TPPP: variants seen among roughly 807,000 people sequenced by gnomAD.
TPPP encodes the protein tubulin polymerization promoting protein.
Under a neutral mutation model 15.5 loss-of-function variants are expected in TPPP, and 6 were observed. That is an observed-to-expected ratio of 0.39 (90% confidence interval 0.21 to 0.77). The LOEUF (loss-of-function observed/expected upper bound fraction) is 0.77, where lower values mean the gene tolerates loss of function less well. Among genes scored for constraint, TPPP ranks in the 30% least tolerant of loss-of-function variants. The probability of loss-of-function intolerance (pLI) is 0.42; values close to 1 mark genes in which losing one functional copy is unlikely to be tolerated. For synonymous variants in TPPP, 146 were observed against 133.9 expected, an observed-to-expected ratio of 1.09 and a Z score of -0.63; for missense variants, 269 against 307.2, an observed-to-expected ratio of 0.88 and a Z score of 0.93.
At chr5:668,094 C>G (rs1379501845) in intron 2 of TPPP, among the ~76,000 whole-genome samples, 1 of 80,172 alleles carries the variant, frequency 1.2e-5, no homozygotes. Flanking sequence ...TCCGCGTGGG[C>G]CCCATCAGGG....
chr5:677,665 C>G (rs372912779), intron 2 of TPPP, 85 bp downstream of exon 2: 7 of 1,324,864 alleles, frequency 5.3e-6, no homozygotes, highest in Non-Finnish European at 7.1e-6. Context: ...CCCCATGGCC[C>G]GCTCCCCACA....
In TPPP at chr5:665,097, G is replaced by C. The variant is rs547341735; in HGVS notation, c.*5C>G. 42 of 1,607,936 alleles carry C rather than the reference G, an allele frequency of 2.6e-5. No individual in the cohort carries two copies. Among genetic ancestry groups the C allele is most frequent in the Non-Finnish European group, 3.5e-5 (41 of 1,179,468 alleles). On this transcript the variant is annotated 3_prime_UTR_variant, in exon 4 of 4. Coordinates refer to ENST00000360578, the MANE Select transcript of TPPP (RefSeq NM_007030.3). ...CCGGCAGTGCCGCGAGGCATGGAGC[G>C]GGGGCTACTTGCCCCCTTGCACCTT...
chr5:700,310 T>C, the TPPP span, among the ~76,000 whole-genome samples: 1 of 151,982 alleles, frequency 6.6e-6, no homozygotes, highest in Admixed American at 6.6e-5. Context: ...ATAGAGGCCA[T>C]TATCCTGAGT....
At chr5:667,698 A>G (rs185124959) in intron 2 of TPPP, among the ~76,000 whole-genome samples, 98 of 151,562 alleles carry the variant, frequency 6.5e-4, no homozygotes, top group Admixed American at 5.0e-3. Flanking sequence ...AAAACTCAGC[A>G]GTAAGAAAAA....
chr5:681,892 C>T (rs1159961997), intron 1 of TPPP, among the ~76,000 whole-genome samples: 9 of 152,212 alleles, frequency 5.9e-5, no homozygotes, highest in Non-Finnish European at 8.8e-5. Context: ...TCCTCGCAGG[C>T]CAGGGAATGC....
intron 2 of TPPP, among the ~76,000 whole-genome samples, chr5:672,329 G>T (rs1437373229): frequency 6.6e-6 from 1 of 152,214 alleles, no homozygotes; most frequent in Non-Finnish European, 1.5e-5. Flanking sequence ...CCAGCGTCCA[G>T]GTATCAGTCT....
At chr5:692,715 C>T (rs1444102494) in intron 1 of TPPP, 2 of 982,126 alleles carry the variant, frequency 2.0e-6, no homozygotes, top group Non-Finnish European at 2.4e-6. Flanking sequence ...CAGCTGGAGG[C>T]TCTGCGGGGG....
At chr5:700,400 G>A in the TPPP span, among the ~76,000 whole-genome samples, 221 of 152,072 alleles carry the variant, frequency 1.5e-3, 3 homozygotes, top group East Asian at 0.033. Flanking sequence ...ACACATGGAC[G>A]TATGGAGTGG....
intron 1 of TPPP, among the ~76,000 whole-genome samples, chr5:679,654 G>C (rs1740567788): frequency 6.6e-6 from 1 of 152,050 alleles, no homozygotes; most frequent in African/African-American, 2.4e-5. Flanking sequence ...AGTGGTGGGT[G>C]TGCGGGTCAG....
At chr5:682,903 T>A (rs1483030150) in intron 1 of TPPP, among the ~76,000 whole-genome samples, 1 of 151,882 alleles carries the variant, frequency 6.6e-6, no homozygotes, top group Admixed American at 6.5e-5. Context: ...AGCCATGGAG[T>A]CAGTGGGAGC....
chr5:677,010 AGAAACGCGCACACGTGCACACACGACGCG>A (rs1484381972), intron 2 of TPPP, among the ~76,000 whole-genome samples: 1 of 145,358 alleles, frequency 6.9e-6, no homozygotes, highest in Non-Finnish European at 1.5e-5. Context: ...GTGCACACGC[AGAAACGCGCACACGTGCACACACGACGCG>A]GAAACGCACA....
the TPPP span, among the ~76,000 whole-genome samples, chr5:698,382 T>C: frequency 6.6e-6 from 1 of 152,076 alleles, no homozygotes; most frequent in Admixed American, 6.6e-5. Context: ...ACTATCCCTT[T>C]CTGTTGGTGA....
the TPPP span, among the ~76,000 whole-genome samples, chr5:698,780 T>A: frequency 2.6e-5 from 4 of 151,876 alleles, no homozygotes; most frequent in Non-Finnish European, 5.9e-5. Flanking sequence ...GTATTACGAC[T>A]CCACCAAAAA....
At chr5:675,261 C>T (rs1283772323) in intron 2 of TPPP, among the ~76,000 whole-genome samples, 14 of 39,956 alleles carry the variant, frequency 3.5e-4, no homozygotes, top group South Asian at 1.1e-3. Flanking sequence ...ACAGTGTGGC[C>T]GGGGGTGCAG....
At chr5:698,289 A>G (rs1741048741), upstream of TPPP, among the ~76,000 whole-genome samples, 1 of 152,192 alleles carries the variant, frequency 6.6e-6, no homozygotes, top group East Asian at 1.9e-4. Flanking sequence ...CTCTTATTCA[A>G]CACAGTACTG....
chr5:670,483 C>T (rs532564710), intron 2 of TPPP, among the ~76,000 whole-genome samples: 1 of 152,110 alleles, frequency 6.6e-6, no homozygotes, highest in Non-Finnish European at 1.5e-5. Context: ...TCCCCCAGGG[C>T]ACCAACCTCT....
intron 1 of TPPP, among the ~76,000 whole-genome samples, chr5:687,244 T>C (rs1740790498): frequency 7.1e-6 from 1 of 140,658 alleles, no homozygotes; most frequent in South Asian, 2.3e-4. Flanking sequence ...TGCGTCCCTG[T>C]TGTGTTAACC....
intron 2 of TPPP, among the ~76,000 whole-genome samples, chr5:675,463 CAG>C (rs200042775): frequency 1.2e-4 from 9 of 75,280 alleles, no homozygotes; most frequent in South Asian, 3.9e-4. Context: ...GGGTGCAGCA[CAG>C]GGGGTGCAGT....
At chr5:671,286 G>GA (rs1561084445) in intron 2 of TPPP, among the ~76,000 whole-genome samples, 1 of 152,174 alleles carries the variant, frequency 6.6e-6, no homozygotes, top group East Asian at 1.9e-4. Context: ...CCGCCCTGTG[G>GA]ACATCACTAG....
Sources: allele counts gnomAD v4.1 joint callset (sites outside exome capture counted in the v4.1 genomes callset), GRCh38; gene constraint gnomAD v4.1.1; transcripts MANE v1.5; gene names NCBI Gene and HGNC (gene_info 2026-07-23, HGNC 2026-07-21).